MAPK8: variants seen among roughly 807,000 people sequenced by gnomAD.
MAPK8 encodes the protein JUN N-terminal kinase.
A neutral mutation model predicts 52.9 loss-of-function variants in MAPK8; 13 were observed. That is an observed-to-expected ratio of 0.25 (90% CI 0.16 to 0.39). The LOEUF (loss-of-function observed/expected upper bound fraction) is 0.39. MAPK8 is among the 10% of genes least tolerant of loss of function. The probability of loss-of-function intolerance (pLI) is 1.00; values close to 1 mark genes in which losing one functional copy is unlikely to be tolerated. For synonymous variants in MAPK8, 191 were observed against 169.8 expected, an observed-to-expected ratio of 1.12 and a Z score of -0.97; for missense variants, 300 against 519.2, an observed-to-expected ratio of 0.58 and a Z score of 4.10.
chr10:48,382,765 TTTATATA>T (rs1255858663), intron 1 of MAPK8, among the ~76,000 whole-genome samples: 3 of 147,634 alleles, frequency 2.0e-5, no homozygotes, highest in Non-Finnish European at 4.5e-5. Context: ...TTATATATTT[TTTATATA>T]TTATATATCT....
At chr10:48,431,076 G>T in intron 10 of MAPK8, 117 bp from the exon 11 acceptor site, 1 of 688,788 alleles carries the variant, frequency 1.5e-6, no homozygotes, top group Non-Finnish European at 2.6e-6. Context: ...GACTGTCATT[G>T]TAAGGACACT....
chr10:48,390,734 C>T (rs1047729979), intron 1 of MAPK8, among the ~76,000 whole-genome samples: 1 of 152,100 alleles, frequency 6.6e-6, no homozygotes, highest in Admixed American at 6.6e-5. Flanking sequence ...CTAATATAGC[C>T]GCCCCCCTTT....
At chr10:48,324,275 G>C (rs1206956524) in intron 1 of MAPK8, among the ~76,000 whole-genome samples, 2 of 152,172 alleles carry the variant, frequency 1.3e-5, no homozygotes, top group African/African-American at 4.8e-5. Context: ...TTCTCACCTA[G>C]TTTCCATAGC....
At chr10:48,368,630 C>T (rs1041520741) in intron 1 of MAPK8, among the ~76,000 whole-genome samples, 10 of 152,144 alleles carry the variant, frequency 6.6e-5, no homozygotes, top group South Asian at 4.1e-4. Context: ...CAGAAATTAA[C>T]TGTGGTATGA....
intron 1 of MAPK8, among the ~76,000 whole-genome samples, chr10:48,355,494 G>T (rs1846814150): frequency 8.2e-6 from 1 of 122,308 alleles, no homozygotes; most frequent in East Asian, 2.4e-4. Flanking sequence ...GGGTGACAGA[G>T]CCAGATTCCG....
intron 1 of MAPK8, among the ~76,000 whole-genome samples, chr10:48,362,622 A>T (rs1050280505): frequency 6.6e-6 from 1 of 152,080 alleles, no homozygotes; most frequent in East Asian, 1.9e-4. Flanking sequence ...CGATCTTACC[A>T]CTAATTTATT....
chr10:48,313,527 T>G (rs1842187643), intron 1 of MAPK8, among the ~76,000 whole-genome samples: 1 of 145,376 alleles, frequency 6.9e-6, no homozygotes, highest in Non-Finnish European at 1.5e-5. Flanking sequence ...GAATAAAGAT[T>G]ATAAAATCTT....
At chr10:48,364,960 C>G (rs1263310530) in intron 1 of MAPK8, among the ~76,000 whole-genome samples, 1 of 152,090 alleles carries the variant, frequency 6.6e-6, no homozygotes, top group Non-Finnish European at 1.5e-5. Flanking sequence ...AAAGTGTTTG[C>G]ACCTAATAAT....
intron 6 of MAPK8, among the ~76,000 whole-genome samples, 198 bp from the exon 7 acceptor site, chr10:48,423,890 A>G (rs1246373337): frequency 1.3e-5 from 2 of 152,216 alleles, no homozygotes; most frequent in African/African-American, 4.8e-5. Context: ...TTAAAATGCC[A>G]CACTTTACAT....
chr10:48,404,933 G>A lies in MAPK8; in HGVS notation c.204G>A (p.Lys68=), dbSNP rs1363332287. 3 of 1,609,938 alleles carry A rather than the reference G, an allele frequency of 1.9e-6. No homozygotes were observed. The highest frequency in any genetic ancestry group is 2.5e-6 in the Non-Finnish European group (3 of 1,177,370). Residue 68 remains lysine, a synonymous_variant, in exon 3 of 12, where the codon AAG becomes AAA. Coordinates refer to ENST00000374189, the MANE Select transcript of MAPK8 (RefSeq NM_001323329.2). ...CATTTCAGAATCAGACTCATGCCAA[G>A]CGGGCCTACAGAGAGCTAGTTCTTA... is the stretch of plus-strand genomic sequence containing the variant. The part of the protein sequence containing the change: ...SRPFQNQTHA[K]RAYRELVLMK...
chr10:48,342,211 C>G (rs184181409), intron 1 of MAPK8, among the ~76,000 whole-genome samples: 50 of 152,276 alleles, frequency 3.3e-4, no homozygotes, highest in African/African-American at 1.2e-3. Context: ...TCAAGCGATT[C>G]TCCCACCTCA....
chr10:48,368,530 AG>A (rs1305066208), intron 1 of MAPK8, among the ~76,000 whole-genome samples: 1 of 152,236 alleles, frequency 6.6e-6, no homozygotes, highest in Non-Finnish European at 1.5e-5. Flanking sequence ...AGAGAGGGCC[AG>A]GGCCAAATCA....
intron 1 of MAPK8, among the ~76,000 whole-genome samples, chr10:48,314,503 T>G (rs924849248): frequency 6.6e-6 from 1 of 152,192 alleles, no homozygotes; most frequent in African/African-American, 2.4e-5. Context: ...CATGGTGCAG[T>G]GGATTACCTT....
At chr10:48,413,815 T>TTATA (rs59042608) in intron 5 of MAPK8, among the ~76,000 whole-genome samples, 3,423 of 47,584 alleles carry the variant, frequency 0.072, 242 homozygotes, top group East Asian at 0.096. Flanking sequence ...GCCAGAATTG[T>TTATA]TATATATATA....
chr10:48,388,538 A>T (rs1232696529), intron 1 of MAPK8, among the ~76,000 whole-genome samples: 2 of 152,134 alleles, frequency 1.3e-5, no homozygotes, highest in Non-Finnish European at 2.9e-5. Flanking sequence ...TAAAAATGGG[A>T]CAGTTAACTG....
intron 1 of MAPK8, among the ~76,000 whole-genome samples, chr10:48,309,253 A>G (rs907051979): frequency 3.3e-5 from 5 of 152,232 alleles, no homozygotes; most frequent in African/African-American, 1.2e-4. Context: ...GTATTTTCAC[A>G]GTGTTGTGCC....
chr10:48,384,881 A>G (rs2041218806), intron 1 of MAPK8, among the ~76,000 whole-genome samples: 1 of 152,206 alleles, frequency 6.6e-6, no homozygotes, highest in Non-Finnish European at 1.5e-5. Context: ...TAGTTAATAC[A>G]GATAATGTAT....
chr10:48,335,923 G>C (rs1021557419), intron 1 of MAPK8, among the ~76,000 whole-genome samples: 8 of 152,092 alleles, frequency 5.3e-5, no homozygotes, highest in African/African-American at 1.9e-4. Context: ...TTTTAAATGA[G>C]TGTTTTGCCC....
chr10:48,401,478 A>T, intron 1 of MAPK8, 134 bp from the exon 2 acceptor site: 2 of 529,182 alleles, frequency 3.8e-6, no homozygotes, highest in African/African-American at 4.0e-5. Flanking sequence ...TTTTTTTCTT[A>T]TGTTTTTTAA....
Sources: allele counts gnomAD v4.1 joint callset (sites outside exome capture counted in the v4.1 genomes callset), GRCh38; gene constraint gnomAD v4.1.1; transcripts MANE v1.5; gene names NCBI Gene and HGNC (gene_info 2026-07-23, HGNC 2026-07-21).